IMMP2L: variants seen among roughly 807,000 people sequenced by gnomAD.
IMMP2L encodes inner mitochondrial membrane peptidase subunit 2, also known as mitochondrial inner membrane protease subunit 2.
A neutral mutation model predicts 19.3 loss-of-function variants in IMMP2L; 18 were observed. That is an observed-to-expected ratio of 0.93 (90% CI 0.64 to 1.38). IMMP2L has a LOEUF of 1.38. IMMP2L is among the 40% of genes most tolerant of loss of function. The pLI is 0.00. For missense variants in IMMP2L, 233 were observed against 218.2 expected (o/e 1.07, Z -0.43); for synonymous variants, 76 against 73.0 (o/e 1.04, Z -0.21).
intron 3 of IMMP2L, among the ~76,000 whole-genome samples, chr7:110,977,875 A>C (rs910026377): frequency 4.6e-5 from 7 of 152,066 alleles, no homozygotes; most frequent in Admixed American, 4.6e-4. Context: ...ATGAGCTGTT[A>C]AATTCGTAGC....
intron 3 of IMMP2L, among the ~76,000 whole-genome samples, chr7:110,975,517 T>C (rs1278585846): frequency 2.0e-5 from 3 of 152,172 alleles, no homozygotes; most frequent in African/African-American, 4.8e-5. Context: ...AATTGCTTTA[T>C]TACCTTAACC....
chr7:111,275,788 AT>A (rs991940683), intron 3 of IMMP2L, among the ~76,000 whole-genome samples: 1 of 152,028 alleles, frequency 6.6e-6, no homozygotes, highest in African/African-American at 2.4e-5. Flanking sequence ...ATTCCTAGGC[AT>A]TTTTTAATAG....
intron 3 of IMMP2L, among the ~76,000 whole-genome samples, chr7:111,271,523 AAC>A (rs777667509): frequency 4.6e-5 from 7 of 152,196 alleles, no homozygotes; most frequent in Non-Finnish European, 8.8e-5. Context: ...AAGGCTTATT[AAC>A]ACAGATTGTT....
At position 110,824,058 on chromosome 7, in the gene IMMP2L, T is replaced by C. The variant is rs541949791; in HGVS notation, c.408+62535A>G. Among the ~76,000 whole-genome samples the C allele has an allele frequency of 3.3e-3, 496 of 152,250 alleles. 1 individual carries two copies. The highest frequency in any genetic ancestry group is 5.5e-3 in the Non-Finnish European group (371 of 68,002). Reference sequence around the variant, plus strand: ...ACAGTGTCACTGCATATGTAATAATTACATACATAATGCAATACTTACATT... The same window carrying C: ...ACAGTGTCACTGCATATGTAATAATCACATACATAATGCAATACTTACATT... On this transcript the variant is annotated intron_variant, in intron 5 of 5. Transcript: ENST00000405709.
chr7:110,775,281 G>GT (rs1554413335), intron 5 of IMMP2L, among the ~76,000 whole-genome samples: 29 of 148,428 alleles, frequency 2.0e-4, no homozygotes, highest in African/African-American at 5.3e-4. Context: ...GTGTGTGTGT[G>GT]GTTCTGATCT....
chr7:111,264,462 ATCTC>A (rs1817631754), intron 3 of IMMP2L, among the ~76,000 whole-genome samples: 1 of 152,114 alleles, frequency 6.6e-6, no homozygotes. Flanking sequence ...TGGCAAATAT[ATCTC>A]TGAAAAACTT....
chr7:111,459,556 C>T (rs1330500049), intron 3 of IMMP2L, among the ~76,000 whole-genome samples: 1 of 152,048 alleles, frequency 6.6e-6, no homozygotes, highest in Non-Finnish European at 1.5e-5. Flanking sequence ...TTTACTTACT[C>T]CCCCTTTAAG....
chr7:111,496,469 G>C (rs1053861103), intron 2 of IMMP2L, among the ~76,000 whole-genome samples: 34 of 152,162 alleles, frequency 2.2e-4, no homozygotes, highest in Non-Finnish European at 3.2e-4. Context: ...TCCCAGGAGA[G>C]ATTGGCCTTT....
At chr7:111,538,817 A>AT (rs1848142352) in intron 1 of IMMP2L, among the ~76,000 whole-genome samples, 1 of 92,854 alleles carries the variant, frequency 1.1e-5, no homozygotes, top group Admixed American at 1.0e-4. Flanking sequence ...TGGCTCATTT[A>AT]AAAAAAAAAA....
intron 5 of IMMP2L, among the ~76,000 whole-genome samples, chr7:110,876,439 T>C (rs965816617): frequency 1.2e-4 from 19 of 152,136 alleles, no homozygotes; most frequent in Admixed American, 1.2e-3. Context: ...CCACTCCCAA[T>C]GTCAGGGACA....
chr7:111,094,755 A>G (rs950144086), intron 3 of IMMP2L, among the ~76,000 whole-genome samples: 1 of 152,174 alleles, frequency 6.6e-6, no homozygotes, highest in Admixed American at 6.6e-5. Context: ...GTCACTAGTA[A>G]AACATGATAA....
At chr7:111,476,106 T>C (rs1841700898) in intron 3 of IMMP2L, among the ~76,000 whole-genome samples, 1 of 152,168 alleles carries the variant, frequency 6.6e-6, no homozygotes. Context: ...AAAGATCAAC[T>C]AGTCTGTACC....
rs1320388432 is a variant in IMMP2L, at chr7:111,002,317, G to A, written c.240-38752C>T. Among the ~76,000 whole-genome samples, 8 of 152,118 alleles carry A rather than the reference G, an allele frequency of 5.3e-5. No individual in the cohort carries two copies. The East Asian group carries it at 1.3e-3, about 26-fold the overall frequency. ...AAAGGTGTAAAGATCCCAGGAGAAC[G>A]AATGTGTTAACTGATGAGGATGATC... On this transcript the variant is annotated intron_variant, in intron 3 of 5. Transcript: ENST00000405709.
chr7:111,443,116 T>C (rs2131810829), intron 3 of IMMP2L, among the ~76,000 whole-genome samples: 1 of 151,992 alleles, frequency 6.6e-6, no homozygotes, highest in Middle Eastern at 3.4e-3. Context: ...ATAGCATAGG[T>C]TGATTTTATG....
chr7:110,986,243 T>C (rs1821839056), intron 3 of IMMP2L, among the ~76,000 whole-genome samples: 1 of 152,076 alleles, frequency 6.6e-6, no homozygotes, highest in South Asian at 2.1e-4. Flanking sequence ...CTTTTCCTGG[T>C]TACACTTGGT....
intron 3 of IMMP2L, among the ~76,000 whole-genome samples, chr7:111,121,972 G>A (rs1400090325): frequency 5.3e-5 from 8 of 150,866 alleles, no homozygotes; most frequent in East Asian, 3.9e-4. Flanking sequence ...GCAAACTATC[G>A]CAAGGACAAA....
At chr7:110,990,797 G>A (rs1563139817) in intron 3 of IMMP2L, among the ~76,000 whole-genome samples, 1 of 152,154 alleles carries the variant, frequency 6.6e-6, no homozygotes, top group East Asian at 1.9e-4. Flanking sequence ...ATCTATCTTG[G>A]TTTTCCAATT....
At chr7:110,920,255 T>C (rs1195514522) in intron 4 of IMMP2L, among the ~76,000 whole-genome samples, 3 of 152,186 alleles carry the variant, frequency 2.0e-5, no homozygotes, top group Non-Finnish European at 4.4e-5. Context: ...TATATATACA[T>C]GTATCCTATT....
At chr7:111,404,702 T>C (rs1833768344) in intron 3 of IMMP2L, among the ~76,000 whole-genome samples, 1 of 152,084 alleles carries the variant, frequency 6.6e-6, no homozygotes, top group African/African-American at 2.4e-5. Context: ...TAAAGTTTAT[T>C]CTAAATTTTC....
Sources: allele counts gnomAD v4.1 joint callset (sites outside exome capture counted in the v4.1 genomes callset), GRCh38; gene constraint gnomAD v4.1.1; transcripts MANE v1.5; gene names NCBI Gene and HGNC (gene_info 2026-07-23, HGNC 2026-07-21).